CSK: variants seen among roughly 807,000 people sequenced by gnomAD.
The protein encoded by CSK is C-terminal Src kinase, also known as tyrosine-protein kinase CSK.
CSK carries 7 observed loss-of-function variants against 62.3 expected under a neutral mutation model. That is an observed-to-expected ratio of 0.11 (90% CI 0.06 to 0.21). The LOEUF is 0.21. CSK is among the 10% of genes least tolerant of loss of function. The pLI is 1.00. For synonymous variants in CSK, 237 were observed against 246.0 expected (o/e 0.96, Z 0.34); for missense variants, 294 against 613.5 (o/e 0.48, Z 5.50).
chr15:74,796,178 C>T (rs2063702365), intron 1 of CSK, among the ~76,000 whole-genome samples: 2 of 152,016 alleles, frequency 1.3e-5, no homozygotes, highest in East Asian at 1.9e-4. Context: ...CCGTGAGTCA[C>T]CCCACCACTG....
chr15:74,798,409 C>T lies in CSK; in HGVS notation c.15+97C>T, dbSNP rs751743360. ...AGAGGATGCAGCTTAGATCAACCCA[C>T]TCCCCTTTTTCCCAGCACTCAGTCA... is the stretch of plus-strand genomic sequence containing the variant. On this transcript the variant is annotated intron_variant, in intron 2 of 12. Transcript: ENST00000220003. The surrounding 1 kb of genome is among the most constrained non-coding windows in gnomAD (Gnocchi z 6.6). The T allele has an allele frequency of 3.4e-6, 5 of 1,487,666 alleles. No individual in the cohort carries two copies. The highest frequency in any genetic ancestry group is 1.9e-5 in the Admixed American group (1 of 51,784). The allele number at this position is 1,487,666 out of a possible 1,614,324, so 92.2% of individuals were successfully genotyped here. A position where few individuals can be genotyped will look rare whatever the true frequency, so the allele number is the denominator to read the frequency against.
intron 6 of CSK, 41 bp from the exon 7 acceptor site, chr15:74,800,640 T>C: frequency 6.5e-7 from 1 of 1,536,550 alleles, no homozygotes; most frequent in Non-Finnish European, 8.8e-7. Context: ...CCCAGCCATG[T>C]CCCTAGTGGC....
Position 74,782,520 on chromosome 15 carries a change from C to T in CSK, c.-266C>T, listed in dbSNP as rs2063451791. ...CGCCCCCTTCCCCCGCCTTTCTTCCCTCCGCGACCCGGGCCGTGCGTCCGT... is the reference window on the plus strand; with the variant it reads ...CGCCCCCTTCCCCCGCCTTTCTTCCTTCCGCGACCCGGGCCGTGCGTCCGT... On this transcript the variant is annotated 5_prime_UTR_variant, in exon 1 of 13. Coordinates refer to ENST00000220003, the MANE Select transcript of CSK (RefSeq NM_004383.3). This position sits in a 1 kb window ranked among gnomAD's most constrained non-coding sequence, Gnocchi z 5.7. 1 of 151,892 alleles carries T rather than the reference C, an allele frequency of 6.6e-6. No homozygotes were observed. The highest frequency in any genetic ancestry group is 2.1e-4 in the South Asian group (1 of 4,816). The allele number at this position is 151,892 out of a possible 1,614,324, so 9.4% of individuals were successfully genotyped here.
intron 9 of CSK, 120 bp downstream of exon 9, chr15:74,801,222 C>G: frequency 9.0e-7 from 1 of 1,113,976 alleles, no homozygotes; most frequent in Non-Finnish European, 1.3e-6. Flanking sequence ...GTCACCAGGG[C>G]TGGGCTTTTG....
chr15:74,799,381 C>T lies in CSK; in HGVS notation c.352C>T (p.Leu118=). ...CACCAACTACCCCGGAGACTACACGCTGTGCGTGAGCTGCGACGGCAAGGT... is the reference window on the plus strand; with the variant it reads ...CACCAACTACCCCGGAGACTACACGTTGTGCGTGAGCTGCGACGGCAAGGT... ...ESTNYPGDYT[L]CVSCDGKVEH... The change falls in exon 5 of 13, where the codon CTG becomes TTG. Residue 118 remains leucine (L), a synonymous_variant. Coordinates refer to ENST00000220003, the MANE Select transcript of CSK (RefSeq NM_004383.3). 6.2e-7 allele frequency: 1 copy of T among 1,613,654 alleles called. No homozygotes were observed. The highest frequency in any genetic ancestry group is 8.5e-7 in the Non-Finnish European group (1 of 1,180,026).
chr15:74,793,329 C>G (rs1168947901), intron 1 of CSK: 1 of 152,902 alleles, frequency 6.5e-6, no homozygotes, highest in Non-Finnish European at 1.5e-5. Context: ...CCCACCCCGA[C>G]CGCTCCTAGG....
chr15:74,786,002 C>CTCTTTTTTTT (rs397829139), intron 1 of CSK, among the ~76,000 whole-genome samples: 7 of 73,628 alleles, frequency 9.5e-5, no homozygotes, highest in South Asian at 4.9e-4. Context: ...CTCTCTCTCT[C>CTCTTTTTTTT]TTTTTTTTTT....
intron 1 of CSK, among the ~76,000 whole-genome samples, chr15:74,792,790 G>C (rs1194141475): frequency 1.3e-5 from 2 of 152,236 alleles, no homozygotes. Context: ...CACAATGCCA[G>C]CCTGTTCCCG....
At chr15:74,784,658 G>A (rs1439406664) in intron 1 of CSK, among the ~76,000 whole-genome samples, 2 of 152,234 alleles carry the variant, frequency 1.3e-5, no homozygotes, top group Non-Finnish European at 2.9e-5. Context: ...GAGCCACACA[G>A]AGTGGCCCTC....
chr15:74,791,763 T>G (rs561560026), intron 1 of CSK, among the ~76,000 whole-genome samples: 4 of 152,346 alleles, frequency 2.6e-5, no homozygotes, highest in Admixed American at 1.3e-4. Context: ...GTCTGATTGC[T>G]TCTCCCTGGT....
chr15:74,799,278 C>T lies in CSK; in HGVS notation c.249C>T (p.Phe83=). The change falls in exon 5 of 13, where the codon TTC becomes TTT. Residue 83 remains phenylalanine, a synonymous_variant. Transcript: ENST00000220003. Reference sequence around the variant, plus strand: ...CAGCCCTGCTGCTCCCCAGTTGGTTCCACGGCAAGATCACACGGGAGCAGG... The same window carrying T: ...CAGCCCTGCTGCTCCCCAGTTGGTTTCACGGCAAGATCACACGGGAGCAGG... ...AGTKLSLMPW[F]HGKITREQAE... 1.9e-6 allele frequency: 3 copies of T among 1,607,820 alleles called. No homozygotes were observed. Among genetic ancestry groups the T allele is most frequent in the Non-Finnish European group, 2.5e-6 (3 of 1,177,600 alleles).
Position 74,802,835 on chromosome 15 carries a change from GTTTATTT to G in CSK, c.*329_*335del. ...CTTTTTTGAGATTTTTTTTCCGTGT[GTTTATTT>G]TTTATTATTTTTCAAGATAAGGAGA... On this transcript the variant is annotated 3_prime_UTR_variant, in exon 13 of 13. Transcript: ENST00000220003. The G allele has an allele frequency of 3.6e-6, 1 of 280,098 alleles. No homozygotes were observed. Among genetic ancestry groups the G allele is most frequent in the Non-Finnish European group, 6.6e-6 (1 of 150,872 alleles). 17.4% of individuals were successfully genotyped at this position (280,098 alleles called of 1,614,324 possible).
chr15:74,793,410 C>T (rs1020942476), intron 1 of CSK, among the ~76,000 whole-genome samples: 1 of 152,208 alleles, frequency 6.6e-6, no homozygotes, highest in South Asian at 2.1e-4. Context: ...TCCCTCCTCT[C>T]CCTTGCCCCT....
chr15:74,801,309 T>A (rs1250069087), intron 9 of CSK, among the ~76,000 whole-genome samples: 3 of 152,060 alleles, frequency 2.0e-5, no homozygotes, highest in Admixed American at 2.0e-4. Context: ...ATCTGGGAAA[T>A]GGAGATAATA....
At position 74,798,752 on chromosome 15, in the gene CSK, C is replaced by T. The variant is rs374079736; in HGVS notation, c.129+24C>T. ...AGGTAATCAGGTGACGCCCACCCCA[C>T]CATCCCACTGCTGGGCCTTCCCTCT... On this transcript the variant is annotated intron_variant, in intron 3 of 12. Coordinates refer to ENST00000220003, the MANE Select transcript of CSK (RefSeq NM_004383.3). The surrounding 1 kb of genome is among the most constrained non-coding windows in gnomAD (Gnocchi z 6.6). 6.2e-7 allele frequency: 1 copy of T among 1,608,630 alleles called. No individual in the cohort carries two copies. The highest frequency in any genetic ancestry group is 1.3e-5 in the African/African-American group (1 of 74,858).
intron 1 of CSK, among the ~76,000 whole-genome samples, chr15:74,789,606 G>A (rs548952470): frequency 6.6e-6 from 1 of 152,310 alleles, no homozygotes; most frequent in Admixed American, 6.5e-5. Context: ...TCTGTACTAT[G>A]ACCTGTAGGC....
At chr15:74,783,980 A>G (rs1481171439) in intron 1 of CSK, among the ~76,000 whole-genome samples, 1 of 152,178 alleles carries the variant, frequency 6.6e-6, no homozygotes, top group African/African-American at 2.4e-5. Context: ...GAGTGGGGAC[A>G]CCCAGGGGGC....
In CSK at chr15:74,787,435, G is replaced by GA. The variant is rs112397880; in HGVS notation, c.-66+4723dup. Among the ~76,000 whole-genome samples the GA allele has an allele frequency of 9.2e-3, 1,399 of 151,838 alleles. 20 individuals carry two copies. The highest frequency in any genetic ancestry group is 0.027 in the African/African-American group (1,136 of 41,398). On this transcript the variant is annotated intron_variant, in intron 1 of 12. Coordinates refer to ENST00000220003, the MANE Select transcript of CSK (RefSeq NM_004383.3). ...CAGGGCAGACTGGCAGGACCCATTA[G>GA]AAAAAAAATCCCATTTTTCCCATGG...
In CSK at chr15:74,800,358, G is replaced by A. The variant is rs541070808; in HGVS notation, c.463-54G>A. 1.7e-4 allele frequency: 256 copies of A among 1,524,720 alleles called. 2 individuals are homozygous for A. Among genetic ancestry groups the A allele is most frequent in the East Asian group, 1.6e-3 (69 of 43,648 alleles). 94.4% of individuals were successfully genotyped at this position (1,524,720 alleles called of 1,614,324 possible). ...CCTCTGGTGGTCAGGCCTGGACGGT[G>A]CATATGGGGCACCTTGGGCTGTCTC... On this transcript the variant is annotated intron_variant, in intron 5 of 12. Transcript: ENST00000220003.
Sources: allele counts gnomAD v4.1 joint callset (sites outside exome capture counted in the v4.1 genomes callset), GRCh38; gene constraint gnomAD v4.1.1; non-coding constraint Gnocchi (gnomAD v3.1); transcripts MANE v1.5; gene names NCBI Gene and HGNC (gene_info 2026-07-23, HGNC 2026-07-21).